Variants in GARNL3 observed in about 807,000 individuals in gnomAD.
The protein encoded by GARNL3 is GTPase activating Rap/RanGAP domain like 3.
GARNL3 carries 63 observed loss-of-function variants against 125.0 expected under a neutral mutation model. That is an observed-to-expected ratio of 0.50 (90% confidence interval 0.41 to 0.62). The LOEUF (loss-of-function observed/expected upper bound fraction) is 0.62, where lower values mean the gene tolerates loss of function less well. Among genes scored for constraint, GARNL3 ranks in the 20% least tolerant of loss-of-function variants. GARNL3 has a pLI of 0.00. For missense variants in GARNL3, 994 were observed against 1,244.0 expected (o/e 0.80, Z 3.02); for synonymous variants, 439 against 457.5 (o/e 0.96, Z 0.52).
At chr9:127,259,119 C>T (rs767056282), upstream of GARNL3, among the ~76,000 whole-genome samples, 34 of 152,206 alleles carry the variant, frequency 2.2e-4, no homozygotes, top group Non-Finnish European at 3.7e-4. Context: ...TTTGGCTTCC[C>T]CTTGGGGGCT....
At chr9:127,378,306 C>T (rs1357629100) in intron 22 of GARNL3, among the ~76,000 whole-genome samples, 2 of 150,068 alleles carry the variant, frequency 1.3e-5, no homozygotes, top group South Asian at 2.1e-4. Context: ...AAGATAAAGA[C>T]GGCTGGGCAC....
At position 127,345,489 on chromosome 9, in the gene GARNL3, A is replaced by T. The variant is rs1299122173; in HGVS notation, c.1431+12A>T. The T allele has an allele frequency of 1.3e-6, 2 of 1,519,166 alleles. No individual in the cohort carries two copies. Among genetic ancestry groups the T allele is most frequent in the Middle Eastern group, 3.4e-4 (2 of 5,820 alleles). The allele number at this position is 1,519,166 out of a possible 1,614,324, so 94.1% of individuals were successfully genotyped here. A position where few individuals can be genotyped will look rare whatever the true frequency, so the allele number is the denominator to read the frequency against. The stretch of plus-strand genomic sequence containing the variant: ...TCTGTAAAAAAGAGGTGAGTTCATG[A>T]TACTTTCAATTTGAACTTTGAATTC... On this transcript the variant is annotated intron_variant, in intron 16 of 27. Coordinates refer to ENST00000373387, the MANE Select transcript of GARNL3 (RefSeq NM_032293.5).
At chr9:127,351,972 G>A (rs1014807007) in intron 17 of GARNL3, among the ~76,000 whole-genome samples, 7 of 152,208 alleles carry the variant, frequency 4.6e-5, no homozygotes, top group Admixed American at 4.6e-4. Flanking sequence ...AGCCATCTGA[G>A]AAAGACTGGA....
chr9:127,260,791 C>A (rs976588044), upstream of GARNL3, among the ~76,000 whole-genome samples: 6 of 152,198 alleles, frequency 3.9e-5, no homozygotes, highest in Non-Finnish European at 8.8e-5. Flanking sequence ...CCTCTGACAA[C>A]CCCTGTTTGT....
chr9:127,299,953 A>G (rs1156588901), intron 2 of GARNL3: 3 of 172,620 alleles, frequency 1.7e-5, no homozygotes, highest in Non-Finnish European at 2.5e-5. Context: ...ATCCACCTGC[A>G]TCGGCCTCCC....
At chr9:127,387,534 G>C (rs912747857) in intron 25 of GARNL3, among the ~76,000 whole-genome samples, 1 of 152,020 alleles carries the variant, frequency 6.6e-6, no homozygotes, top group African/African-American at 2.4e-5. Context: ...CCTAAGGCCA[G>C]GAGTTCAAGA....
At chr9:127,346,828 T>G (rs1202306258) in intron 16 of GARNL3, among the ~76,000 whole-genome samples, 4 of 152,152 alleles carry the variant, frequency 2.6e-5, no homozygotes, top group African/African-American at 7.2e-5. Flanking sequence ...GCCCACCTCT[T>G]CAGCACTCAT....
At position 127,383,469 on chromosome 9, in the gene GARNL3, T is replaced by C; in HGVS notation, c.2193T>C (p.Phe731=). ...GCATCTATAAAAAGGTTTGCCCCTT[T>C]AATGGTGGCTCTTTTTTGGTTCAAC... is the stretch of plus-strand genomic sequence containing the variant. ...YSCIYKKVCP[F]NGGSFLVQPS... The change falls in exon 23 of 28, where the codon TTT becomes TTC. Residue 731 remains phenylalanine (F), a synonymous_variant. Coordinates refer to ENST00000373387, the MANE Select transcript of GARNL3 (RefSeq NM_032293.5). 6.2e-7 allele frequency: 1 copy of C among 1,613,492 alleles called. No individual in the cohort carries two copies. The highest frequency in any genetic ancestry group is 8.5e-7 in the Non-Finnish European group (1 of 1,179,746).
chr9:127,272,306 A>G (rs2063841891), intron 1 of GARNL3, among the ~76,000 whole-genome samples: 1 of 149,800 alleles, frequency 6.7e-6, no homozygotes, highest in South Asian at 2.1e-4. Flanking sequence ...AAGGCACTTT[A>G]TGGGAGAAAT....
upstream of GARNL3, among the ~76,000 whole-genome samples, chr9:127,262,578 G>A (rs77856738): frequency 1.0e-3 from 154 of 152,344 alleles, no homozygotes; most frequent in Non-Finnish European, 2.0e-3. Context: ...AAGACAAAAG[G>A]AGAACAGGTT....
intron 9 of GARNL3, among the ~76,000 whole-genome samples, chr9:127,334,943 C>G (rs1829468441): frequency 6.6e-6 from 1 of 152,208 alleles, no homozygotes; most frequent in Admixed American, 6.5e-5. Flanking sequence ...ACAGCAACTG[C>G]AAGGCAAGGA....
upstream of GARNL3, among the ~76,000 whole-genome samples, chr9:127,263,239 C>G (rs2063629120): frequency 6.6e-6 from 1 of 152,192 alleles, no homozygotes; most frequent in Non-Finnish European, 1.5e-5. Flanking sequence ...GGCACCGTGT[C>G]TCAGAACCCC....
At chr9:127,227,607 A>G (rs942295160) in intron 1 of GARNL3, among the ~76,000 whole-genome samples, 16 of 151,074 alleles carry the variant, frequency 1.1e-4, no homozygotes, top group Admixed American at 9.2e-4. Flanking sequence ...TCTCAAAAAA[A>G]ACAAAAAACA....
At chr9:127,391,006 C>T (rs1031687760) in intron 27 of GARNL3, among the ~76,000 whole-genome samples, 3 of 152,194 alleles carry the variant, frequency 2.0e-5, no homozygotes, top group Admixed American at 2.0e-4. Context: ...GAGACCTGGC[C>T]AGGCACAGTG....
Position 127,285,396 on chromosome 9 carries a change from C to T in GARNL3, c.145-5772C>T, listed in dbSNP as rs2064221331. On this transcript the variant is annotated intron_variant, in intron 1 of 27. Transcript: ENST00000373387. ...TGAGATCACGCCATTGCACTCCAGC[C>T]TGGGCAACAAGAGTGAAACTCGCTT... 2.0e-5 allele frequency among the ~76,000 whole-genome samples: 3 copies of T among 152,234 alleles called. No homozygotes were observed. The South Asian group carries it at 6.2e-4, about 32-fold the overall frequency.
chr9:127,316,039 TA>T, intron 4 of GARNL3, among the ~76,000 whole-genome samples: 1 of 152,294 alleles, frequency 6.6e-6, no homozygotes, highest in South Asian at 2.1e-4. Flanking sequence ...CCATTTTACT[TA>T]AACATTGACT....
intron 25 of GARNL3, 116 bp from the exon 26 acceptor site, chr9:127,388,788 C>T (rs1832680931): frequency 1.4e-6 from 1 of 697,386 alleles, no homozygotes; most frequent in African/African-American, 1.8e-5. Flanking sequence ...CATTACAGAT[C>T]AGTGTGTGAC....
intron 1 of GARNL3, among the ~76,000 whole-genome samples, chr9:127,275,271 G>A (rs1054956895): frequency 6.6e-6 from 1 of 152,148 alleles, no homozygotes; most frequent in Non-Finnish European, 1.5e-5. Flanking sequence ...CCTCTTTGGG[G>A]CTGTTAAAGA....
intron 11 of GARNL3, among the ~76,000 whole-genome samples, chr9:127,337,121 T>A (rs992239492): frequency 6.6e-6 from 1 of 152,152 alleles, no homozygotes; most frequent in Non-Finnish European, 1.5e-5. Context: ...TCCATGAGGG[T>A]AGGGAAGCAA....
Sources: allele counts gnomAD v4.1 joint callset (sites outside exome capture counted in the v4.1 genomes callset), GRCh38; gene constraint gnomAD v4.1.1; transcripts MANE v1.5; gene names NCBI Gene and HGNC (gene_info 2026-07-23, HGNC 2026-07-21).